The following SLX9 variants were observed in gnomAD, a reference collection of about 807,000 sequenced individuals.
SLX9 encodes the protein ribosome biogenesis protein SLX9 homolog.
In SLX9, 19 loss-of-function variants were observed where a neutral mutation model predicts 20.8. The observed-to-expected ratio is 0.91, with a 90% CI of 0.64 to 1.34. The LOEUF (loss-of-function observed/expected upper bound fraction) is 1.34. SLX9 is among the 40% of genes most tolerant of loss of function. SLX9 has a pLI of 0.00. For missense variants in SLX9, 299 were observed against 322.2 expected (o/e 0.93, Z 0.55); for synonymous variants, 113 against 137.1 (o/e 0.82, Z 1.23).
intron 3 of SLX9, among the ~76,000 whole-genome samples, chr21:44,962,149 T>TC (rs2146655579): frequency 6.6e-6 from 1 of 152,332 alleles, no homozygotes; most frequent in East Asian, 1.9e-4. Context: ...AGTTCATGGT[T>TC]CTTTTTTTTT....
intron 2 of SLX9, among the ~76,000 whole-genome samples, chr21:44,958,853 GA>G (rs1277202536): frequency 6.6e-6 from 1 of 152,214 alleles, no homozygotes; most frequent in Non-Finnish European, 1.5e-5. Context: ...AGCCGGGAAG[GA>G]TCACTGTGCT....
chr21:44,969,688 T>C (rs988426822), intron 4 of SLX9, among the ~76,000 whole-genome samples: 8 of 152,204 alleles, frequency 5.3e-5, no homozygotes, highest in Non-Finnish European at 1.2e-4. Context: ...CTGACATGAG[T>C]GTGGTACGTT....
chr21:44,976,496 T>A (rs1403640694), intron 5 of SLX9, among the ~76,000 whole-genome samples, 184 bp from the exon 6 acceptor site: 1 of 152,190 alleles, frequency 6.6e-6, no homozygotes, highest in Non-Finnish European at 1.5e-5. Context: ...GGGATGCACG[T>A]GGCCACGAGG....
intron 5 of SLX9, among the ~76,000 whole-genome samples, chr21:44,976,130 G>A (rs1443950988): frequency 2.6e-5 from 4 of 152,254 alleles, no homozygotes; most frequent in African/African-American, 4.8e-5. Flanking sequence ...TCTGGCGTGC[G>A]GCTGGCTGCG....
Position 44,961,501 on chromosome 21 carries a change from C to G in SLX9, c.352+1333C>G, listed in dbSNP as rs564652474. Among the ~76,000 whole-genome samples, 45 of 152,300 alleles carry G rather than the reference C, an allele frequency of 3.0e-4. 1 individual carries two copies. Among genetic ancestry groups the G allele is most frequent in the African/African-American group, 1.0e-3 (43 of 41,562 alleles). ...ACTTAGGAGGCTGAGGTAGGAAGAT[C>G]GCTTCAACCCAGGAGTTTGAGGCTG... On this transcript the variant is annotated intron_variant, in intron 3 of 5. Coordinates refer to ENST00000291634, the MANE Select transcript of SLX9 (RefSeq NM_058190.4).
chr21:44,939,776 C>T, upstream of SLX9: 1 of 545,834 alleles, frequency 1.8e-6, no homozygotes, highest in Non-Finnish European at 3.4e-6. Flanking sequence ...CGACCTTGGA[C>T]GCAACCCCGG....
chr21:44,960,288 A>C, intron 3 of SLX9, 120 bp downstream of exon 3: 1 of 933,560 alleles, frequency 1.1e-6, no homozygotes, highest in South Asian at 1.4e-5. Flanking sequence ...AGGAGTGCCC[A>C]AGGGGATCAC....
At chr21:44,965,287 C>T (rs942714939) in intron 3 of SLX9, among the ~76,000 whole-genome samples, 1 of 152,146 alleles carries the variant, frequency 6.6e-6, no homozygotes, top group Non-Finnish European at 1.5e-5. Context: ...TGTGTGGGAC[C>T]TCCCCTAGGT....
chr21:44,969,261 A>G (rs1216748386), intron 4 of SLX9: 1 of 463,446 alleles, frequency 2.2e-6, no homozygotes, highest in Non-Finnish European at 4.5e-6. Flanking sequence ...GGTCCAGAAT[A>G]GGAGCGGCCG....
intron 3 of SLX9, among the ~76,000 whole-genome samples, chr21:44,965,148 A>T (rs55775492): frequency 0.078 from 11,876 of 152,256 alleles, 1,533 homozygotes; most frequent in African/African-American, 0.27. Context: ...GTTTAGAATT[A>T]GCTGCACAGG....
chr21:44,968,099 A>C (rs1294263392), intron 4 of SLX9, among the ~76,000 whole-genome samples: 3 of 137,674 alleles, frequency 2.2e-5, no homozygotes, highest in Non-Finnish European at 4.6e-5. Flanking sequence ...GGGCCCCTCC[A>C]CCCCCCTGCC....
intron 4 of SLX9, chr21:44,972,987 G>T: frequency 1.6e-6 from 1 of 632,634 alleles, no homozygotes; most frequent in Non-Finnish European, 2.8e-6. Context: ...CTTGTCCGGG[G>T]CGGTCACAGG....
At chr21:44,969,406 T>C (rs2085101997) in intron 4 of SLX9, 1 of 356,700 alleles carries the variant, frequency 2.8e-6, no homozygotes, top group Non-Finnish European at 5.7e-6. Context: ...GAGAGGGCTG[T>C]ATCAACACCC....
chr21:44,963,931 A>G (rs540960744), intron 3 of SLX9, among the ~76,000 whole-genome samples: 3 of 152,186 alleles, frequency 2.0e-5, no homozygotes, highest in Non-Finnish European at 4.4e-5. Context: ...TAGCTTGTCT[A>G]TTTCTTTAAA....
intron 2 of SLX9, among the ~76,000 whole-genome samples, chr21:44,952,950 G>T (rs2084785959): frequency 6.6e-6 from 1 of 152,186 alleles, no homozygotes; most frequent in African/African-American, 2.4e-5. Flanking sequence ...GAAACTTAGG[G>T]GTGAGCAGGG....
intron 2 of SLX9, among the ~76,000 whole-genome samples, chr21:44,958,700 G>A (rs1158391404): frequency 6.6e-6 from 1 of 152,248 alleles, no homozygotes. Context: ...GGAGCTGGGG[G>A]TCGTGGGGCC....
At position 44,968,182 on chromosome 21, in the gene SLX9, C is replaced by G. The variant is rs950803207; in HGVS notation, c.500+1001C>G. Among the ~76,000 whole-genome samples, 4 of 152,140 alleles carry G rather than the reference C, an allele frequency of 2.6e-5. No homozygotes were observed. The East Asian group carries it at 5.8e-4, about 22-fold the overall frequency. On this transcript the variant is annotated intron_variant, in intron 4 of 5. Transcript: ENST00000291634. ...AGGTGCTCCCTCCAGAACCCCATCA[C>G]CCAGTGACACAACCCCGCCACCCAG...
At chr21:44,967,408 T>G (rs1323300909) in intron 4 of SLX9, among the ~76,000 whole-genome samples, 1 of 152,158 alleles carries the variant, frequency 6.6e-6, no homozygotes, top group Non-Finnish European at 1.5e-5. Flanking sequence ...GGCCCACCCT[T>G]GTGAGGAGCC....
At chr21:44,955,368 G>A (rs888592472) in intron 2 of SLX9, among the ~76,000 whole-genome samples, 3 of 152,198 alleles carry the variant, frequency 2.0e-5, no homozygotes, top group Non-Finnish European at 2.9e-5. Context: ...CCAGCGCTCC[G>A]AGGGAAAGCT....
Sources: gnomAD v4.1 joint callset for allele counts (sites outside exome capture counted in the v4.1 genomes callset) on GRCh38, gnomAD v4.1.1 for gene constraint, MANE v1.5 for transcripts, NCBI Gene and HGNC (gene_info 2026-07-23, HGNC 2026-07-21) for gene names.